SYN3: variants seen among roughly 807,000 people sequenced by gnomAD.
The protein encoded by SYN3 is synapsin III.
In SYN3, 35 loss-of-function variants were observed where a neutral mutation model predicts 65.8. The ratio of observed to expected loss-of-function variants is 0.53; its 90% CI spans 0.41 to 0.70. The LOEUF (loss-of-function observed/expected upper bound fraction) is 0.70, where lower values mean the gene tolerates loss of function less well. Among genes scored for constraint, SYN3 ranks in the 30% least tolerant of loss-of-function variants. SYN3 has a pLI of 0.00. For synonymous variants in SYN3, 270 were observed against 292.9 expected (o/e 0.92, Z 0.80); for missense variants, 680 against 749.0 (o/e 0.91, Z 1.08).
intron 6 of SYN3, among the ~76,000 whole-genome samples, chr22:32,683,393 A>AGCTC (rs2060549622): frequency 6.6e-6 from 1 of 152,052 alleles, no homozygotes; most frequent in Non-Finnish European, 1.5e-5. Flanking sequence ...TTATGCCCTC[A>AGCTC]GCTCCTTCCT....
chr22:32,848,962 A>G (rs949193365), intron 6 of SYN3, among the ~76,000 whole-genome samples: 2 of 152,178 alleles, frequency 1.3e-5, no homozygotes, highest in African/African-American at 4.8e-5. Context: ...GCTAGGGTGC[A>G]CCACAACCCT....
At position 32,544,393 on chromosome 22, in the gene SYN3, G is replaced by A. The variant is rs116184015; in HGVS notation, c.775-2680C>T. 2.4e-3 allele frequency among the ~76,000 whole-genome samples: 361 copies of A among 152,148 alleles called. 3 individuals carry two copies. Among genetic ancestry groups the A allele is most frequent in the African/African-American group, 8.1e-3 (338 of 41,506 alleles). ...TCCTGCTTTTCAGAACCTCAGTTACGCACCACTGTCTATCTCTACATCTTC... is the reference window on the plus strand; with the variant it reads ...TCCTGCTTTTCAGAACCTCAGTTACACACCACTGTCTATCTCTACATCTTC... On this transcript the variant is annotated intron_variant, in intron 7 of 13. Coordinates refer to ENST00000358763, the MANE Select transcript of SYN3 (RefSeq NM_003490.4).
Position 33,050,419 on chromosome 22 carries a change from T to C in SYN3, c.-163+7873A>G, listed in dbSNP as rs184519519. On this transcript the variant is annotated intron_variant, in intron 1 of 13. Transcript: ENST00000358763. ...AATCTCTGAGCCTGGGAGGTGGAGG[T>C]TGCAGTGAGCTGAGATCATGCCACC... Among the ~76,000 whole-genome samples the C allele has an allele frequency of 2.4e-4, 35 of 147,804 alleles. 1 individual carries two copies. In the East Asian group the frequency reaches 2.8e-3, roughly 12 times the overall value.
At chr22:32,780,943 T>TTCCTTCCTTCCTTCCTTCCTTCCTTCCG in intron 6 of SYN3, among the ~76,000 whole-genome samples, 1 of 64,116 alleles carries the variant, frequency 1.6e-5, no homozygotes, top group African/African-American at 6.0e-5. Context: ...CTTTCCTTCC[T>TTCCTTCCTTCCTTCCTTCCTTCCTTCCG]TCCTTCCTTC....
intron 1 of SYN3, among the ~76,000 whole-genome samples, chr22:33,021,902 C>G (rs1284810460): frequency 6.6e-6 from 1 of 151,668 alleles, no homozygotes; most frequent in Non-Finnish European, 1.5e-5. Flanking sequence ...CACCTAGAAA[C>G]AGTGCCTAGC....
chr22:32,737,115 G>A (rs1330971235), intron 6 of SYN3, among the ~76,000 whole-genome samples: 1 of 152,170 alleles, frequency 6.6e-6, no homozygotes, highest in African/African-American at 2.4e-5. Context: ...GCCAATTGGA[G>A]CTGAGCTCCC....
Position 32,980,673 on chromosome 22 carries a change from T to C in SYN3, c.341A>G (p.Asn114Ser). Reference protein sequence around the residue: ...WSKYFHGKKVNGEIEIRVEQA... With the variant: ...WSKYFHGKKVSGEIEIRVEQA... ...CTCCACTCGGATCTCAATCTCTCCA[T>C]TCACCTTCTTCCCATGGAAATACTT... The change falls in exon 3 of 14, where the codon AAT (asparagine) becomes AGT (serine). Residue 114 changes from asparagine to serine, a missense_variant. Coordinates refer to ENST00000358763, the MANE Select transcript of SYN3 (RefSeq NM_003490.4). 5 of 1,613,818 alleles carry C rather than the reference T, an allele frequency of 3.1e-6. No individual in the cohort carries two copies. The highest frequency in any genetic ancestry group is 4.2e-6 in the Non-Finnish European group (5 of 1,179,852).
intron 6 of SYN3, among the ~76,000 whole-genome samples, chr22:32,717,072 C>G (rs1424908457): frequency 6.6e-6 from 1 of 152,140 alleles, no homozygotes; most frequent in Non-Finnish European, 1.5e-5. Context: ...TTCTAAGAAA[C>G]TTACATATAT....
At chr22:32,991,372 A>AATAATG (rs2052713637) in intron 2 of SYN3, among the ~76,000 whole-genome samples, 1 of 149,076 alleles carries the variant, frequency 6.7e-6, no homozygotes, top group South Asian at 2.1e-4. Flanking sequence ...TAATAATAAT[A>AATAATG]GTAATAATAG....
At chr22:32,520,960 G>A (rs781749156) in intron 12 of SYN3, among the ~76,000 whole-genome samples, 94 of 152,286 alleles carry the variant, frequency 6.2e-4, no homozygotes, top group Admixed American at 1.4e-3. Flanking sequence ...GAACATTTTT[G>A]TGAGCTTGTG....
intron 1 of SYN3, among the ~76,000 whole-genome samples, chr22:33,051,354 A>G (rs762162973): frequency 3.9e-5 from 6 of 152,202 alleles, no homozygotes; most frequent in Non-Finnish European, 8.8e-5. Context: ...CAGTGTGTCT[A>G]TGAAAGGCAA....
chr22:32,886,546 T>C (rs890300081), intron 4 of SYN3, among the ~76,000 whole-genome samples: 1 of 152,214 alleles, frequency 6.6e-6, no homozygotes, highest in African/African-American at 2.4e-5. Context: ...AAGGCATGAT[T>C]TGCATAAAAT....
chr22:32,914,728 C>T (rs557907975), intron 4 of SYN3, among the ~76,000 whole-genome samples: 1 of 152,148 alleles, frequency 6.6e-6, no homozygotes, highest in Non-Finnish European at 1.5e-5. Context: ...AGACGTGAAC[C>T]ACCATGCCTG....
intron 10 of SYN3, among the ~76,000 whole-genome samples, chr22:32,531,362 C>T (rs970034620): frequency 6.6e-6 from 1 of 151,956 alleles, no homozygotes; most frequent in Non-Finnish European, 1.5e-5. Context: ...CTCTCTCCCC[C>T]TGCCCCTGCC....
Position 32,642,675 on chromosome 22 carries a change from G to A in SYN3, c.712-45939C>T, listed in dbSNP as rs954318992. Among the ~76,000 whole-genome samples the A allele has an allele frequency of 3.3e-5, 5 of 151,948 alleles. No homozygotes were observed. In the East Asian group the frequency reaches 5.9e-4, roughly 18 times the overall value. ...GATCTCCTGACCTCGTGATCCGCCC[G>A]CCTCGGCCTCCCAAAGTGCTGGGAT... is the stretch of plus-strand genomic sequence containing the variant. On this transcript the variant is annotated intron_variant, in intron 6 of 13. Transcript: ENST00000358763.
chr22:32,956,063 A>ATATATATATATATATATATATATAT (rs1569355322), intron 3 of SYN3, among the ~76,000 whole-genome samples: 2 of 81,078 alleles, frequency 2.5e-5, no homozygotes, highest in South Asian at 2.8e-4. Context: ...TATATATATA[A>ATATATATATATATATATATATATAT]AATCTCCTAT....
At chr22:32,667,164 T>C (rs1300857858) in intron 6 of SYN3, among the ~76,000 whole-genome samples, 8 of 152,064 alleles carry the variant, frequency 5.3e-5, no homozygotes, top group African/African-American at 1.9e-4. Context: ...CCTTCCTTCC[T>C]TCCTTCTTTC....
chr22:32,801,237 T>G lies in SYN3; in HGVS notation c.711+63678A>C, dbSNP rs778133365. ...CTGTGCCTGCTCTCTCCAGAGAAAC[T>G]GGAGGGGTAGCAGTTAGCATTCCCC... is the stretch of plus-strand genomic sequence containing the variant. On this transcript the variant is annotated intron_variant, in intron 6 of 13. Transcript: ENST00000358763. This position sits in a 1 kb window ranked among gnomAD's most constrained non-coding sequence, Gnocchi z 4.7. Among the ~76,000 whole-genome samples, 2 of 152,212 alleles carry G rather than the reference T, an allele frequency of 1.3e-5. No individual in the cohort carries two copies. The highest frequency in any genetic ancestry group is 1.5e-5 in the Non-Finnish European group (1 of 68,038).
At chr22:33,042,815 G>C (rs1008725289) in intron 1 of SYN3, among the ~76,000 whole-genome samples, 4 of 152,166 alleles carry the variant, frequency 2.6e-5, no homozygotes, top group African/African-American at 9.7e-5. Flanking sequence ...TTAGAACTGA[G>C]CAGCTCTCCC....
Sources: allele counts gnomAD v4.1 joint callset (sites outside exome capture counted in the v4.1 genomes callset), GRCh38; gene constraint gnomAD v4.1.1; non-coding constraint Gnocchi (gnomAD v3.1); transcripts MANE v1.5; gene names NCBI Gene and HGNC (gene_info 2026-07-23, HGNC 2026-07-21).